PDE4D: variants seen among roughly 807,000 people sequenced by gnomAD.
PDE4D encodes the protein 3',5'-cyclic-AMP phosphodiesterase 4D.
A neutral mutation model predicts 87.4 loss-of-function variants in PDE4D; 24 were observed. The ratio of observed to expected loss-of-function variants is 0.27; its 90% CI spans 0.20 to 0.39. The LOEUF (loss-of-function observed/expected upper bound fraction) is 0.39, where lower values mean the gene tolerates loss of function less well. Among genes scored for constraint, PDE4D ranks in the 10% least tolerant of loss-of-function variants. PDE4D has a pLI of 1.00. For missense variants in PDE4D, 714 were observed against 1,041.0 expected, an observed-to-expected ratio of 0.69 and a Z score of 4.32; for synonymous variants, 384 against 383.2, an observed-to-expected ratio of 1.00 and a Z score of -0.02.
chr5:59,057,476 G>A (rs931103366), intron 5 of PDE4D, among the ~76,000 whole-genome samples: 6 of 152,264 alleles, frequency 3.9e-5, no homozygotes, highest in Admixed American at 3.9e-4. Context: ...AATAGCAAGT[G>A]GTCCTAAAGT....
chr5:59,220,607 C>T (rs1378678153), intron 1 of PDE4D, among the ~76,000 whole-genome samples: 1 of 151,988 alleles, frequency 6.6e-6, no homozygotes, highest in Non-Finnish European at 1.5e-5. Context: ...TAGACACTTA[C>T]TTAACTTTCT....
At chr5:60,522,097 A>T (rs567488152) in exon 1 of PDE4D, 1 of 152,280 alleles carries the variant, frequency 6.6e-6, no homozygotes, top group South Asian at 2.1e-4. Flanking sequence ...TCAGCTTTGT[A>T]TGCTCTTCTT....
At chr5:59,891,184 A>G (rs1750902401) in intron 1 of PDE4D, among the ~76,000 whole-genome samples, 1 of 152,236 alleles carries the variant, frequency 6.6e-6, no homozygotes, top group South Asian at 2.1e-4. Flanking sequence ...CAATTAATCA[A>G]TGTAGAAAGC....
At chr5:59,029,764 C>T (rs1036561167) in intron 6 of PDE4D, among the ~76,000 whole-genome samples, 4 of 151,850 alleles carry the variant, frequency 2.6e-5, no homozygotes, top group Non-Finnish European at 2.9e-5. Context: ...AAGCTGCAGG[C>T]ATCATATTCC....
chr5:59,970,879 A>G lies in PDE4D; in HGVS notation c.272+17609T>C, dbSNP rs1037166235. ...TGGGTATATACCCAAAGGACTATAA[A>G]TCATGCTGCTATAAAGACACATGCA... is the stretch of plus-strand genomic sequence containing the variant. On this transcript the variant is annotated intron_variant, in intron 3 of 16. Coordinates refer to the PDE4D transcript ENST00000502484. Among the ~76,000 whole-genome samples the G allele has an allele frequency of 8.8e-5, 13 of 147,942 alleles. No individual in the cohort carries two copies. The Admixed American group carries it at 8.9e-4, about 10-fold the overall frequency.
intron 6 of PDE4D, among the ~76,000 whole-genome samples, chr5:58,997,038 A>G (rs1213885629): frequency 1.3e-5 from 2 of 152,180 alleles, no homozygotes; most frequent in East Asian, 3.8e-4. Flanking sequence ...TCAACATTTC[A>G]TTTTAACATA....
chr5:60,151,349 G>A (rs1360181396), intron 2 of PDE4D, among the ~76,000 whole-genome samples: 2 of 152,112 alleles, frequency 1.3e-5, no homozygotes, highest in African/African-American at 4.8e-5. Context: ...GAATCTTTGG[G>A]TAGTATGGAC....
intron 1 of PDE4D, among the ~76,000 whole-genome samples, chr5:59,279,852 G>A (rs1038281296): frequency 1.3e-5 from 2 of 151,584 alleles, no homozygotes; most frequent in Admixed American, 1.3e-4. Context: ...AAAGAAAAGA[G>A]GAAGAGAAAG....
At chr5:59,965,714 G>A (rs575231163) in intron 3 of PDE4D, among the ~76,000 whole-genome samples, 1 of 152,124 alleles carries the variant, frequency 6.6e-6, no homozygotes, top group East Asian at 1.9e-4. Flanking sequence ...CTGGTAATTT[G>A]TGCAGTCAGT....
At chr5:60,111,609 A>C (rs1015870798) in intron 2 of PDE4D, among the ~76,000 whole-genome samples, 1 of 151,998 alleles carries the variant, frequency 6.6e-6, no homozygotes, top group Non-Finnish European at 1.5e-5. Flanking sequence ...CATTTAACTA[A>C]TTAGCATAAG....
chr5:60,347,719 T>A (rs888104943), intron 1 of PDE4D, among the ~76,000 whole-genome samples: 3 of 152,136 alleles, frequency 2.0e-5, no homozygotes, highest in Non-Finnish European at 2.9e-5. Flanking sequence ...CCAGCTGCTA[T>A]CCCGATAGCT....
At chr5:59,899,466 T>C (rs902560534) in intron 3 of PDE4D, among the ~76,000 whole-genome samples, 2 of 151,444 alleles carry the variant, frequency 1.3e-5, no homozygotes, top group East Asian at 1.9e-4. Context: ...TATATACATA[T>C]GCATGCTTAA....
intron 1 of PDE4D, among the ~76,000 whole-genome samples, chr5:59,243,593 G>A (rs533962530): frequency 6.6e-6 from 1 of 150,648 alleles, no homozygotes; most frequent in Admixed American, 6.7e-5. Flanking sequence ...CTGAGTAGCT[G>A]GGATTACAGG....
At chr5:59,394,578 T>C (rs1210546719) in intron 1 of PDE4D, among the ~76,000 whole-genome samples, 1 of 137,500 alleles carries the variant, frequency 7.3e-6, no homozygotes, top group Non-Finnish European at 1.6e-5. Context: ...ATTGAGCATA[T>C]ACTATATTAC....
intron 5 of PDE4D, among the ~76,000 whole-genome samples, chr5:59,083,527 C>T (rs924694370): frequency 2.6e-5 from 4 of 151,854 alleles, no homozygotes; most frequent in Non-Finnish European, 5.9e-5. Flanking sequence ...AAGATATTTG[C>T]TTAATTCAAT....
chr5:59,544,782 A>G (rs1816975831), intron 1 of PDE4D, among the ~76,000 whole-genome samples: 1 of 152,210 alleles, frequency 6.6e-6, no homozygotes, highest in Non-Finnish European at 1.5e-5. Context: ...TGTGTGTCCT[A>G]AATGTAACAC....
chr5:60,213,048 T>A (rs914355508), intron 1 of PDE4D, among the ~76,000 whole-genome samples: 5 of 152,214 alleles, frequency 3.3e-5, no homozygotes, highest in African/African-American at 1.2e-4. Flanking sequence ...CTTATCCATG[T>A]CATCCATCTT....
chr5:60,283,401 G>C (rs143785371), intron 1 of PDE4D, among the ~76,000 whole-genome samples: 15 of 152,222 alleles, frequency 9.9e-5, no homozygotes, highest in African/African-American at 3.6e-4. Flanking sequence ...TGTAAATTAT[G>C]TTCTTAGTTT....
At chr5:59,735,187 C>T (rs1373211615) in intron 1 of PDE4D, among the ~76,000 whole-genome samples, 1 of 152,114 alleles carries the variant, frequency 6.6e-6, no homozygotes, top group Non-Finnish European at 1.5e-5. Context: ...ATTAATGTAT[C>T]ATAGAGTGAT....
Sources: gnomAD v4.1 joint callset for allele counts (sites outside exome capture counted in the v4.1 genomes callset) on GRCh38, gnomAD v4.1.1 for gene constraint, MANE v1.5 for transcripts, NCBI Gene and HGNC (gene_info 2026-07-23, HGNC 2026-07-21) for gene names.